Variants in RASA1 observed in about 807,000 individuals in gnomAD.
RASA1 encodes the protein ras GTPase-activating protein 1.
In RASA1, 25 loss-of-function variants were observed where a neutral mutation model predicts 132.2. That is an observed-to-expected ratio of 0.19 (90% CI 0.14 to 0.26). The LOEUF (loss-of-function observed/expected upper bound fraction) is 0.26, where lower values mean the gene tolerates loss of function less well. RASA1 is among the 10% of genes least tolerant of loss of function. The probability of loss-of-function intolerance (pLI) is 1.00; values close to 1 mark genes in which losing one functional copy is unlikely to be tolerated. For synonymous variants in RASA1, 477 were observed against 449.9 expected (o/e 1.06, Z -0.76); for missense variants, 964 against 1,299.2 (o/e 0.74, Z 3.97).
chr5:87,337,825 G>T (rs1420274374), intron 4 of RASA1, 149 bp from the exon 5 acceptor site: 2 of 795,796 alleles, frequency 2.5e-6, no homozygotes, highest in Non-Finnish European at 3.6e-6. Flanking sequence ...GATAATGCCA[G>T]AAATAGGATA....
chr5:87,329,281 C>CAAAAAAAA (rs571157213), intron 1 of RASA1, among the ~76,000 whole-genome samples: 1 of 119,160 alleles, frequency 8.4e-6, no homozygotes, highest in African/African-American at 3.1e-5. Flanking sequence ...TCTGTCTCTC[C>CAAAAAAAA]AAAAAAAAAA....
chr5:87,359,318 G>A (rs1450246038), intron 9 of RASA1, among the ~76,000 whole-genome samples: 2 of 152,144 alleles, frequency 1.3e-5, no homozygotes, highest in South Asian at 4.1e-4. Flanking sequence ...TCCCTTGGGA[G>A]GAATGTAAAA....
At chr5:87,380,445 G>C (rs1400293028) in intron 19 of RASA1, 64 bp from the exon 20 acceptor site, 6 of 1,400,846 alleles carry the variant, frequency 4.3e-6, no homozygotes, top group African/African-American at 1.4e-5. Flanking sequence ...TTAAGCTTTT[G>C]GCTGCTAGGA....
At chr5:87,377,564 T>G (rs1761410932) in intron 17 of RASA1, among the ~76,000 whole-genome samples, 1 of 152,130 alleles carries the variant, frequency 6.6e-6, no homozygotes, top group South Asian at 2.1e-4. Flanking sequence ...CTTGAACTCC[T>G]GACTTCAGGT....
At chr5:87,338,162 A>G (rs1758113936) in intron 5 of RASA1, 71 bp downstream of exon 5, 6 of 1,595,348 alleles carry the variant, frequency 3.8e-6, no homozygotes, top group Non-Finnish European at 5.1e-6. Context: ...GTCCGTAATC[A>G]GAGAAAGTAG....
At chr5:87,328,386 G>A (rs1757386373) in intron 1 of RASA1, among the ~76,000 whole-genome samples, 2 of 152,000 alleles carry the variant, frequency 1.3e-5, no homozygotes, top group Admixed American at 6.6e-5. Flanking sequence ...ATATAATAAG[G>A]CTTTGACTGT....
intron 9 of RASA1, among the ~76,000 whole-genome samples, chr5:87,361,077 A>G (rs1399153329): frequency 1.3e-5 from 2 of 152,134 alleles, no homozygotes; most frequent in African/African-American, 2.4e-5. Context: ...TTTCAGTTAT[A>G]TCATCCTCTA....
chr5:87,298,689 G>A (rs1249227393), intron 1 of RASA1, among the ~76,000 whole-genome samples: 1 of 151,984 alleles, frequency 6.6e-6, no homozygotes, highest in Non-Finnish European at 1.5e-5. Context: ...ATTGAGGTTG[G>A]ATTTTTTGTT....
In RASA1 at chr5:87,386,911, T is replaced by C. The variant is rs749602676; in HGVS notation, c.2925+8T>C. ...TTTTTAGATGAACTTGGGGTATGTATATAGTTTTCAGGTACTTTTTTTAAG... is the reference window on the plus strand; with the variant it reads ...TTTTTAGATGAACTTGGGGTATGTACATAGTTTTCAGGTACTTTTTTTAAG... On this transcript the variant is annotated splice_region_variant and intron_variant, in intron 23 of 24. Transcript: ENST00000274376. 35 of 1,607,024 alleles carry C rather than the reference T, an allele frequency of 2.2e-5. No homozygotes were observed. The highest frequency in any genetic ancestry group is 2.7e-5 in the Non-Finnish European group (32 of 1,175,010).
intron 9 of RASA1, among the ~76,000 whole-genome samples, chr5:87,356,030 CTT>C (rs1306278422): frequency 6.6e-6 from 1 of 152,180 alleles, no homozygotes; most frequent in Admixed American, 6.5e-5. Context: ...AAAGTGGTCT[CTT>C]GAGATAGAAT....
chr5:87,356,417 T>C (rs1372802962), intron 9 of RASA1, among the ~76,000 whole-genome samples: 1 of 150,160 alleles, frequency 6.7e-6, no homozygotes, highest in Non-Finnish European at 1.5e-5. Context: ...GGAGTCAGGG[T>C]CTTGCGCTGT....
In RASA1 at chr5:87,372,184, C is replaced by T. The variant is rs746430799; in HGVS notation, c.1765C>T (p.Arg589Cys). Residue 589 changes from arginine to cysteine, a missense_variant, in exon 13 of 25, where the codon CGC (arginine) becomes TGC (cysteine). Arg to Cys is a radical substitution (Grantham distance 180, BLOSUM62 -3). Around this residue, in one of 6 missense-constraint regions of RASA1, gnomAD observed 346 missense variants for 520.1 expected, o/e 0.67. Coordinates refer to ENST00000274376, the MANE Select transcript of RASA1 (RefSeq NM_002890.3). ...AAGTAGTCCAGGGACATCCAATAAA[C>T]GCCTTCGTCAGGTGAAGCTTAATTT... ...RKSSPGTSNKRLRQVSSLVLH... is the reference protein window; with the variant it reads ...RKSSPGTSNKCLRQVSSLVLH... The T allele has an allele frequency of 3.7e-6, 6 of 1,613,302 alleles. No individual in the cohort carries two copies. Among genetic ancestry groups the T allele is most frequent in the South Asian group, 1.1e-5 (1 of 91,072 alleles).
intron 23 of RASA1, among the ~76,000 whole-genome samples, chr5:87,387,881 T>C (rs770320163): frequency 6.6e-6 from 1 of 152,158 alleles, no homozygotes; most frequent in Non-Finnish European, 1.5e-5. Context: ...TTGGAAAATA[T>C]TTTTACTATA....
At chr5:87,375,363 C>A (rs1381019819) in intron 15 of RASA1, among the ~76,000 whole-genome samples, 1 of 151,736 alleles carries the variant, frequency 6.6e-6, no homozygotes, top group Non-Finnish European at 1.5e-5. Context: ...CAGGTTCAAG[C>A]AATTCTCCTG....
Position 87,385,356 on chromosome 5 carries a change from G to A in RASA1, c.2814G>A (p.Gln938=), listed in dbSNP as rs1371703900. The change falls in exon 22 of 25, where the codon CAG becomes CAA. Residue 938 remains glutamine, a synonymous_variant. Transcript: ENST00000274376. ...TGATATTAGTGGCTAAATCTGTGCA[G>A]AACTTAGCAAATCTTGTGGAATTTG... is the stretch of plus-strand genomic sequence containing the variant. ...RTLILVAKSV[Q]NLANLVEFGA... 2 of 1,610,494 alleles carry A rather than the reference G, an allele frequency of 1.2e-6. No individual in the cohort carries two copies. Among genetic ancestry groups the A allele is most frequent in the African/African-American group, 2.7e-5 (2 of 74,798 alleles).
Position 87,386,913 on chromosome 5 carries a change from T to C in RASA1, c.2925+10T>C, listed in dbSNP as rs1410738732. The C allele has an allele frequency of 6.2e-7, 1 of 1,604,870 alleles. No homozygotes were observed. Among genetic ancestry groups the C allele is most frequent in the Admixed American group, 1.7e-5 (1 of 59,966 alleles). Reference sequence around the variant, plus strand: ...TTTAGATGAACTTGGGGTATGTATATAGTTTTCAGGTACTTTTTTTAAGAC... The same window carrying C: ...TTTAGATGAACTTGGGGTATGTATACAGTTTTCAGGTACTTTTTTTAAGAC... On this transcript the variant is annotated intron_variant, in intron 23 of 24. Coordinates refer to ENST00000274376, the MANE Select transcript of RASA1 (RefSeq NM_002890.3).
chr5:87,338,536 A>ATATTTTTTTTTTTTT, intron 5 of RASA1, among the ~76,000 whole-genome samples: 2 of 85,222 alleles, frequency 2.3e-5, no homozygotes, highest in African/African-American at 8.8e-5. Flanking sequence ...TATATATAAA[A>ATATTTTTTTTTTTTT]TTTTTTTTTT....
chr5:87,377,615 G>C (rs1352064473), intron 17 of RASA1, among the ~76,000 whole-genome samples: 1 of 152,122 alleles, frequency 6.6e-6, no homozygotes, highest in Non-Finnish European at 1.5e-5. Flanking sequence ...CGGGGTTACA[G>C]GTCTTGTTTA....
intron 4 of RASA1, among the ~76,000 whole-genome samples, chr5:87,337,118 G>A (rs756623434): frequency 6.6e-6 from 1 of 151,994 alleles, no homozygotes; most frequent in Non-Finnish European, 1.5e-5. Context: ...AGGGTTAATG[G>A]TACCATCCAA....
Sources: gnomAD v4.1 joint callset for allele counts (sites outside exome capture counted in the v4.1 genomes callset) on GRCh38, gnomAD v4.1.1 for gene constraint, gnomAD v4.1.1 regional missense constraint, MANE v1.5 for transcripts, NCBI Gene and HGNC (gene_info 2026-07-23, HGNC 2026-07-21) for gene names.